TEX36: variants seen among roughly 807,000 people sequenced by gnomAD.
The protein encoded by TEX36 is testis expressed 36.
Under a neutral mutation model 13.6 loss-of-function variants are expected in TEX36, and 12 were observed. That is an observed-to-expected ratio of 0.88 (90% CI 0.56 to 1.43). TEX36 has a LOEUF of 1.43. TEX36 is among the 40% of genes most tolerant of loss of function. TEX36 has a pLI of 0.00. For missense variants in TEX36, 224 were observed against 228.3 expected (o/e 0.98, Z 0.12); for synonymous variants, 93 against 83.0 (o/e 1.12, Z -0.65).
intron 3 of TEX36, among the ~76,000 whole-genome samples, chr10:125,635,804 T>C (rs1026050444): frequency 2.0e-5 from 3 of 152,102 alleles, no homozygotes; most frequent in African/African-American, 7.2e-5. Context: ...CAGCCCAGAC[T>C]GGAACCCAGC....
chr10:125,578,765 C>T (rs1845854067), intron 3 of TEX36, among the ~76,000 whole-genome samples: 1 of 152,196 alleles, frequency 6.6e-6, no homozygotes, highest in Non-Finnish European at 1.5e-5. Flanking sequence ...GCCATTATCC[C>T]CACAGGAGTG....
At chr10:125,579,277 G>T (rs1179214177) in intron 3 of TEX36, among the ~76,000 whole-genome samples, 1 of 152,188 alleles carries the variant, frequency 6.6e-6, no homozygotes, top group African/African-American at 2.4e-5. Context: ...TACAATCATG[G>T]TGAAAGAGGA....
intron 3 of TEX36, among the ~76,000 whole-genome samples, chr10:125,622,210 A>G (rs1307967532): frequency 6.6e-6 from 1 of 152,244 alleles, no homozygotes; most frequent in Non-Finnish European, 1.5e-5. Flanking sequence ...TAATACAGCT[A>G]TCCTTCGTAC....
intron 3 of TEX36, among the ~76,000 whole-genome samples, chr10:125,635,625 TC>T (rs1846614535): frequency 6.6e-6 from 1 of 152,094 alleles, no homozygotes; most frequent in African/African-American, 2.4e-5. Flanking sequence ...CTTTCTCTTG[TC>T]CCCCAGCACT....
chr10:125,621,191 C>G (rs1399782786), downstream of TEX36, among the ~76,000 whole-genome samples: 1 of 151,978 alleles, frequency 6.6e-6, no homozygotes, highest in Non-Finnish European at 1.5e-5. Flanking sequence ...AATAGCTATC[C>G]AAAGAATATT....
intron 1 of TEX36, among the ~76,000 whole-genome samples, chr10:125,676,253 T>C (rs1847309425): frequency 6.6e-6 from 1 of 152,218 alleles, no homozygotes; most frequent in Non-Finnish European, 1.5e-5. Flanking sequence ...GTCCATTTCT[T>C]TGGATCTAAT....
At chr10:125,647,700 C>A (rs952906606) in intron 3 of TEX36, among the ~76,000 whole-genome samples, 2 of 151,602 alleles carry the variant, frequency 1.3e-5, no homozygotes. Flanking sequence ...CAGAGCAGGG[C>A]GGGGCATTGC....
At chr10:125,627,047 C>G (rs1403751640) in intron 3 of TEX36, among the ~76,000 whole-genome samples, 1 of 152,164 alleles carries the variant, frequency 6.6e-6, no homozygotes, top group Non-Finnish European at 1.5e-5. Context: ...CCACCTCAAG[C>G]ACTGGATTAA....
chr10:125,585,183 G>A (rs1845928513), intron 3 of TEX36, among the ~76,000 whole-genome samples: 1 of 152,174 alleles, frequency 6.6e-6, no homozygotes, highest in African/African-American at 2.4e-5. Flanking sequence ...GACATAGCAG[G>A]TCAGTCATCC....
At chr10:125,594,643 G>C (rs558076762) in intron 3 of TEX36, among the ~76,000 whole-genome samples, 2 of 152,202 alleles carry the variant, frequency 1.3e-5, no homozygotes, top group Non-Finnish European at 2.9e-5. Flanking sequence ...AGAAGAAATT[G>C]TGCTGACATT....
chr10:125,608,726 A>G (rs550551995), intron 3 of TEX36, among the ~76,000 whole-genome samples: 1 of 152,336 alleles, frequency 6.6e-6, no homozygotes, highest in Admixed American at 6.5e-5. Context: ...CCATAGACAA[A>G]TAGCCCCTTT....
intron 3 of TEX36, among the ~76,000 whole-genome samples, chr10:125,610,082 C>T (rs1846271325): frequency 6.6e-6 from 1 of 152,214 alleles, no homozygotes; most frequent in African/African-American, 2.4e-5. Context: ...ATGGCAATAG[C>T]TGGAAGTTAT....
chr10:125,651,190 A>AC (rs575998701), downstream of TEX36, among the ~76,000 whole-genome samples: 25 of 152,290 alleles, frequency 1.6e-4, 2 homozygotes, highest in South Asian at 4.1e-3. Context: ...CAGAGACACA[A>AC]CAAAAAAGAG....
intron 1 of TEX36, among the ~76,000 whole-genome samples, chr10:125,680,096 A>G (rs138524659): frequency 0.01 from 1,561 of 152,312 alleles, 10 homozygotes; most frequent in Middle Eastern, 0.034. Context: ...CATTCATTCT[A>G]TCTTCTATTT....
chr10:125,638,744 C>A (rs889494008), intron 3 of TEX36, among the ~76,000 whole-genome samples: 14 of 152,334 alleles, frequency 9.2e-5, no homozygotes, highest in African/African-American at 3.1e-4. Flanking sequence ...GGTCTGCAGC[C>A]ACACTCACCT....
intron 3 of TEX36, among the ~76,000 whole-genome samples, chr10:125,600,767 C>T (rs1221399143): frequency 6.6e-6 from 1 of 152,140 alleles, no homozygotes; most frequent in South Asian, 2.1e-4. Flanking sequence ...ATGACCCCCA[C>T]GGAATGACCT....
intron 1 of TEX36, among the ~76,000 whole-genome samples, chr10:125,679,870 G>A (rs1396720043): frequency 1.3e-5 from 2 of 151,994 alleles, no homozygotes; most frequent in Non-Finnish European, 2.9e-5. Context: ...CGGTAGCTTT[G>A]GGTTGCTTTC....
chr10:125,666,913 C>T, intron 1 of TEX36: 2 of 513,434 alleles, frequency 3.9e-6, no homozygotes, highest in Non-Finnish European at 3.5e-6. Context: ...GACTCTCTAG[C>T]AGCAGCCCCA....
At chr10:125,587,809 G>C (rs1325418941) in intron 3 of TEX36, among the ~76,000 whole-genome samples, 2 of 114,078 alleles carry the variant, frequency 1.8e-5, no homozygotes, top group African/African-American at 6.6e-5. Flanking sequence ...AAAAAAAAAA[G>C]ACACTTTATA....
Sources: allele counts gnomAD v4.1 joint callset (sites outside exome capture counted in the v4.1 genomes callset), GRCh38; gene constraint gnomAD v4.1.1; transcripts MANE v1.5; gene names NCBI Gene and HGNC (gene_info 2026-07-23, HGNC 2026-07-21).